The following TMEM67 variants were observed in gnomAD, a reference collection of about 807,000 sequenced individuals.
The protein encoded by TMEM67 is meckelin.
A neutral mutation model predicts 136.6 loss-of-function variants in TMEM67; 124 were observed. That is an observed-to-expected ratio of 0.91 (90% CI 0.78 to 1.05). TMEM67 has a LOEUF of 1.05. Among genes scored for constraint, TMEM67 ranks in the 50% least tolerant of loss-of-function variants. The pLI is 0.00. For missense variants in TMEM67, 1,107 were observed against 1,178.4 expected (o/e 0.94, Z 0.89); for synonymous variants, 364 against 390.5 (o/e 0.93, Z 0.80).
At chr8:93,777,687 T>A (rs147506647) in intron 7 of TMEM67, among the ~76,000 whole-genome samples, 5,046 of 152,262 alleles carry the variant, frequency 0.033, 267 homozygotes, top group African/African-American at 0.11. Flanking sequence ...TAACCCTGAG[T>A]TCTAATTTGA....
the TMEM67 span, among the ~76,000 whole-genome samples, chr8:93,827,244 T>C: frequency 6.6e-6 from 1 of 152,220 alleles, no homozygotes; most frequent in African/African-American, 2.4e-5. Context: ...TGTTATGACC[T>C]TGCCATTTGA....
chr8:93,785,088 C>T (rs1814032156), intron 11 of TMEM67, 134 bp from the exon 12 acceptor site: 2 of 677,474 alleles, frequency 3.0e-6, no homozygotes, highest in Non-Finnish European at 2.6e-6. Flanking sequence ...AGACATTTTG[C>T]AAAACTAGAA....
At chr8:93,787,303 T>G (rs1195651866) in intron 13 of TMEM67, among the ~76,000 whole-genome samples, 1 of 152,194 alleles carries the variant, frequency 6.6e-6, no homozygotes, top group East Asian at 1.9e-4. Context: ...AGACGGGGTC[T>G]TGCTATGTTG....
chr8:93,804,310 CTT>C (rs1182297223), intron 22 of TMEM67, among the ~76,000 whole-genome samples: 368 of 93,744 alleles, frequency 3.9e-3, no homozygotes, highest in African/African-American at 0.014. Flanking sequence ...CTTTTCTTTT[CTT>C]TTTTTTTTTT....
At chr8:93,765,040 A>G (rs1239371689) in intron 4 of TMEM67, among the ~76,000 whole-genome samples, 2 of 152,236 alleles carry the variant, frequency 1.3e-5, no homozygotes, top group Admixed American at 1.3e-4. Flanking sequence ...TTTGTGGCAC[A>G]TAAAATAAGG....
At chr8:93,820,882 A>G (rs1343332592), downstream of TMEM67, among the ~76,000 whole-genome samples, 1 of 152,212 alleles carries the variant, frequency 6.6e-6, no homozygotes, top group African/African-American at 2.4e-5. Context: ...ACTGCCTGCC[A>G]CACAGTTGTC....
chr8:93,756,124 C>T (rs1312765681), intron 2 of TMEM67: 6 of 342,096 alleles, frequency 1.8e-5, no homozygotes, highest in Middle Eastern at 8.9e-4. Context: ...TGTTTTTACT[C>T]GTAGAATAAC....
chr8:93,814,413 T>C (rs1298896902), intron 26 of TMEM67, among the ~76,000 whole-genome samples: 4 of 138,392 alleles, frequency 2.9e-5, no homozygotes, highest in African/African-American at 8.0e-5. Context: ...TTATGTATAC[T>C]TTTTTTTTTT....
the TMEM67 span, among the ~76,000 whole-genome samples, chr8:93,831,552 A>G: frequency 6.6e-5 from 10 of 152,190 alleles, no homozygotes; most frequent in Non-Finnish European, 1.0e-4. Flanking sequence ...ATACCCTGTC[A>G]TGTAATATCC....
chr8:93,786,313 G>T lies in TMEM67; in HGVS notation c.1379G>T (p.Arg460Ile), dbSNP rs375991767. 6.2e-7 allele frequency: 1 copy of T among 1,614,024 alleles called. No individual in the cohort carries two copies. Among genetic ancestry groups the T allele is most frequent in the South Asian group, 1.1e-5 (1 of 91,072 alleles). ...GRENDLGTQPRVIRVATQISL... is the reference protein window; with the variant it reads ...GRENDLGTQPIVIRVATQISL... ...GAAAATGACTTAGGAACTCAGCCAA[G>T]AGTAATTCGAGTTGCTACTCAAATA... Residue 460 changes from arginine (R) to isoleucine (I), a missense_variant, in exon 13 of 28, where the codon AGA becomes ATA. By Grantham distance (97) the Arg-to-Ile change is moderately conservative (BLOSUM62 -3). This residue lies in a region of TMEM67 where 925 missense variants were observed against 1,002.4 expected (regional missense o/e 0.92). Transcript: ENST00000453321.
In TMEM67 at chr8:93,779,122, A is replaced by G. The variant is rs1432201389; in HGVS notation, c.715-1471A>G. 5.9e-5 allele frequency among the ~76,000 whole-genome samples: 9 copies of G among 152,152 alleles called. 1 individual carries two copies. Among genetic ancestry groups the G allele is most frequent in the Admixed American group, 5.9e-4 (9 of 15,282 alleles). On this transcript the variant is annotated intron_variant, in intron 7 of 27. Coordinates refer to ENST00000453321, the MANE Select transcript of TMEM67 (RefSeq NM_153704.6). ...ATTAATTTGATCTTCAATTACTGATACCCTTTCTTCCACTTGACCAAATCG... is the reference window on the plus strand; with the variant it reads ...ATTAATTTGATCTTCAATTACTGATGCCCTTTCTTCCACTTGACCAAATCG...
chr8:93,812,924 C>T (rs564109030), intron 26 of TMEM67, among the ~76,000 whole-genome samples: 6 of 151,202 alleles, frequency 4.0e-5, no homozygotes, highest in Admixed American at 6.6e-5. Flanking sequence ...TTAGTAGAGG[C>T]GGGGTTTCAC....
chr8:93,763,079 C>T, intron 3 of TMEM67: 1 of 232,964 alleles, frequency 4.3e-6, no homozygotes, highest in Non-Finnish European at 8.6e-6. Context: ...CGTGCCACCA[C>T]ACCCAGCTAA....
chr8:93,815,382 T>C lies in TMEM67; in HGVS notation c.2842T>C (p.Cys948Arg), dbSNP rs1463117324. The C allele has an allele frequency of 1.9e-6, 3 of 1,612,970 alleles. No homozygotes were observed. The highest frequency in any genetic ancestry group is 1.1e-5 in the South Asian group (1 of 91,004). The change falls in exon 27 of 28, where the codon TGT (cysteine) becomes CGT (arginine). Residue 948 changes from cysteine (C) to arginine (R), a missense_variant. Cys to Arg is a radical substitution (Grantham distance 180). Transcript: ENST00000453321. ...TCTTATTTTTGATCTGCTGTTCTTC[T>C]GTGTTGTGGATTTGGCTTGCCAAAA... ...TLLIFDLLFFCVVDLACQNFI... is the reference protein window; with the variant it reads ...TLLIFDLLFFRVVDLACQNFI...
intron 7 of TMEM67, among the ~76,000 whole-genome samples, chr8:93,776,652 G>A (rs1345953395): frequency 2.6e-5 from 4 of 152,120 alleles, no homozygotes; most frequent in Non-Finnish European, 4.4e-5. Flanking sequence ...GGTGGATTAC[G>A]TTTATTGATT....
chr8:93,772,910 A>G lies in TMEM67; in HGVS notation c.714+259A>G, dbSNP rs147949425. 2.2e-3 allele frequency among the ~76,000 whole-genome samples: 342 copies of G among 152,330 alleles called. 3 individuals are homozygous for G. The highest frequency in any genetic ancestry group is 7.8e-3 in the African/African-American group (325 of 41,574). On this transcript the variant is annotated intron_variant, in intron 7 of 27. Coordinates refer to ENST00000453321, the MANE Select transcript of TMEM67 (RefSeq NM_153704.6). ...ACTGACTGTCACTTAGTAAATGTTT[A>G]TTGATGACCTACTGTGTGCCGGGCC... is the stretch of plus-strand genomic sequence containing the variant.
downstream of TMEM67, among the ~76,000 whole-genome samples, chr8:93,821,091 C>T (rs1809034267): frequency 6.6e-6 from 1 of 152,100 alleles, no homozygotes; most frequent in South Asian, 2.1e-4. Flanking sequence ...GGGTAGCATG[C>T]AGTGCAGTAA....
chr8:93,777,188 GGT>G (rs1029910597), intron 7 of TMEM67, among the ~76,000 whole-genome samples: 1 of 152,054 alleles, frequency 6.6e-6, no homozygotes, highest in African/African-American at 2.4e-5. Flanking sequence ...CTGTGGGATC[GGT>G]GGTGATATCG....
rs568110620 is a variant in TMEM67 at position 93,810,062 on chromosome 8, G to A, written c.2764+175G>A. 472 of 445,778 alleles carry A rather than the reference G, an allele frequency of 1.1e-3. 2 individuals are homozygous for A. Among genetic ancestry groups the A allele is most frequent in the African/African-American group, 9.1e-3 (446 of 49,226 alleles). The allele number at this position is 445,778 out of a possible 1,614,324, so 27.6% of individuals were successfully genotyped here. On this transcript the variant is annotated intron_variant, in intron 26 of 27. Coordinates refer to ENST00000453321, the MANE Select transcript of TMEM67 (RefSeq NM_153704.6). ...CAGCTTACTGCAAGCTCCGCCTCCC[G>A]GGTTCATGCCATTCTCTTGCCTCAG...
Sources: allele counts gnomAD v4.1 joint callset (sites outside exome capture counted in the v4.1 genomes callset), GRCh38; gene constraint gnomAD v4.1.1; regional missense constraint gnomAD v4.1.1; transcripts MANE v1.5; gene names NCBI Gene and HGNC (gene_info 2026-07-23, HGNC 2026-07-21).